The following SYN3 variants were observed in gnomAD, a reference collection of about 807,000 sequenced individuals.
The protein encoded by SYN3 is synapsin III, also known as synapsin-3.
In SYN3, 35 loss-of-function variants were observed where a neutral mutation model predicts 65.8. The ratio of observed to expected loss-of-function variants is 0.53; its 90% confidence interval spans 0.41 to 0.70. The LOEUF (loss-of-function observed/expected upper bound fraction) is 0.70, where lower values mean the gene tolerates loss of function less well. Ranked by LOEUF, SYN3 falls within the 30% of genes least tolerant of loss-of-function variation. The pLI is 0.00. For missense variants in SYN3, 680 were observed against 749.0 expected, an observed-to-expected ratio of 0.91 and a Z score of 1.08; for synonymous variants, 270 against 292.9, an observed-to-expected ratio of 0.92 and a Z score of 0.80.
rs130292 is a variant in SYN3, at chr22:32,825,657, CAAAAAAAAAAAAAAAAAAAAAA to C, written c.711+39236_711+39257del. On this transcript the variant is annotated intron_variant, in intron 6 of 13. Transcript: ENST00000358763. Reference sequence around the variant, plus strand: ...TGGGCGACAGAGCGAGTTTCCATCTCAAAAAAAAAAAAAAAAAAAAAAAAAAAAAAAAAAAAAAAAGATGTGT... The same window carrying C: ...TGGGCGACAGAGCGAGTTTCCATCTCAAAAAAAAAAAAAAAAAAGATGTGT... 6.1e-3 allele frequency among the ~76,000 whole-genome samples: 174 copies of C among 28,594 alleles called. 5 individuals carry two copies. In the East Asian group the frequency reaches 0.075, roughly 12 times the overall value. The allele number at this position is 28,594 out of a possible 152,430, so 18.8% of individuals were successfully genotyped here.
chr22:32,525,747 GACA>G (rs1324087168), intron 12 of SYN3, among the ~76,000 whole-genome samples: 3 of 151,420 alleles, frequency 2.0e-5, no homozygotes, highest in Non-Finnish European at 4.4e-5. Context: ...TTGATGAAAA[GACA>G]ACAAAAGGAT....
chr22:32,928,889 T>C (rs1248023956), intron 4 of SYN3, among the ~76,000 whole-genome samples: 1 of 152,220 alleles, frequency 6.6e-6, no homozygotes, highest in Non-Finnish European at 1.5e-5. Flanking sequence ...GCTGTACCTT[T>C]CATTTCATAA....
chr22:32,966,839 C>A (rs1268010622), intron 3 of SYN3, among the ~76,000 whole-genome samples: 5 of 152,050 alleles, frequency 3.3e-5, no homozygotes, highest in African/African-American at 9.7e-5. Flanking sequence ...TGGCTTGAGC[C>A]CAGGAGGTTG....
intron 6 of SYN3, among the ~76,000 whole-genome samples, chr22:32,816,568 G>C (rs2047092923): frequency 6.6e-6 from 1 of 152,132 alleles, no homozygotes; most frequent in African/African-American, 2.4e-5. Flanking sequence ...GTCAGGGAAA[G>C]ACAAGTTCAG....
At chr22:32,830,702 G>A (rs905398507) in intron 6 of SYN3, among the ~76,000 whole-genome samples, 2 of 152,118 alleles carry the variant, frequency 1.3e-5, no homozygotes, top group Non-Finnish European at 1.5e-5. Context: ...TGTCCCTGCA[G>A]GGCCCTGGAA....
At chr22:32,991,200 A>C (rs1232427109) in intron 2 of SYN3, among the ~76,000 whole-genome samples, 1 of 150,680 alleles carries the variant, frequency 6.6e-6, no homozygotes, top group African/African-American at 2.4e-5. Context: ...GAAAAAAAAA[A>C]ATTAGCCGGG....
At chr22:32,836,171 A>ACACATCAACAAGTTC (rs2047724600) in intron 6 of SYN3, among the ~76,000 whole-genome samples, 1 of 152,180 alleles carries the variant, frequency 6.6e-6, no homozygotes, top group African/African-American at 2.4e-5. Flanking sequence ...CATTTTGGGG[A>ACACATCAACAAGTTC]ATGGTTTTAA....
chr22:32,718,650 C>CA (rs72336175), intron 6 of SYN3, among the ~76,000 whole-genome samples: 1,899 of 135,612 alleles, frequency 0.014, 28 homozygotes, highest in African/African-American at 0.045. Flanking sequence ...TGAAACTGAC[C>CA]AAAAAAAAAA....
chr22:32,981,588 C>CAATAATAAT lies in SYN3; in HGVS notation c.312-895_312-887dup, dbSNP rs534663521. ...AACAAGAGCGAAACTCAGTCTCAAA[C>CAATAATAAT]AATAATAATAATAATAATAATAATA... On this transcript the variant is annotated intron_variant, in intron 2 of 13. Transcript: ENST00000358763. 9.0e-3 allele frequency among the ~76,000 whole-genome samples: 1,356 copies of CAATAATAAT among 149,968 alleles called. 14 individuals are homozygous for CAATAATAAT. The highest frequency in any genetic ancestry group is 0.031 in the African/African-American group (1,263 of 40,808).
rs115502738 is a variant in SYN3, at chr22:32,812,501, T to C, written c.711+52414A>G. On this transcript the variant is annotated intron_variant, in intron 6 of 13. Transcript: ENST00000358763. ...TCACTTCAGGGCCTGTCACTGATTG[T>C]GGGAGGGCTTGGTAAAAATTGAACC... 6.3e-3 allele frequency among the ~76,000 whole-genome samples: 963 copies of C among 152,230 alleles called. 12 individuals carry two copies. The highest frequency in any genetic ancestry group is 0.02 in the African/African-American group (844 of 41,536).
rs2057668993 is a variant in SYN3, at chr22:32,509,596, T to A, written c.*4096A>T. Among the ~76,000 whole-genome samples, 1 of 151,606 alleles carries A rather than the reference T, an allele frequency of 6.6e-6. No homozygotes were observed. The highest frequency in any genetic ancestry group is 1.5e-5 in the Non-Finnish European group (1 of 67,940). ...TTATTATTATTATTTTGAGACAGAGTCTCACTCTGTTGCCCAGGCTGGAGT... is the reference window on the plus strand; with the variant it reads ...TTATTATTATTATTTTGAGACAGAGACTCACTCTGTTGCCCAGGCTGGAGT... On this transcript the variant is annotated 3_prime_UTR_variant, in exon 14 of 14. Coordinates refer to ENST00000358763, the MANE Select transcript of SYN3 (RefSeq NM_003490.4).
chr22:32,612,023 C>T (rs1230220524), intron 6 of SYN3, among the ~76,000 whole-genome samples: 3 of 151,912 alleles, frequency 2.0e-5, no homozygotes, highest in Non-Finnish European at 2.9e-5. Flanking sequence ...GGAGAGCTTC[C>T]GGGTTGCTGA....
At chr22:32,810,761 A>G (rs1476987939) in intron 6 of SYN3, among the ~76,000 whole-genome samples, 1 of 152,182 alleles carries the variant, frequency 6.6e-6, no homozygotes, top group South Asian at 2.1e-4. Flanking sequence ...TTTCGCAACC[A>G]GGGTCAGATT....
intron 4 of SYN3, among the ~76,000 whole-genome samples, chr22:32,885,174 G>C (rs2049255072): frequency 6.7e-6 from 1 of 148,260 alleles, no homozygotes; most frequent in African/African-American, 2.5e-5. Context: ...AAAAAAAAAA[G>C]ACTTTTGACA....
At chr22:32,882,981 G>C (rs951295593) in intron 4 of SYN3, among the ~76,000 whole-genome samples, 2 of 151,820 alleles carry the variant, frequency 1.3e-5, no homozygotes, top group African/African-American at 4.8e-5. Context: ...TCACATCCTA[G>C]CAGTTGATTT....
At chr22:32,746,193 G>A (rs1430007578) in intron 6 of SYN3, among the ~76,000 whole-genome samples, 1 of 152,332 alleles carries the variant, frequency 6.6e-6, no homozygotes, top group East Asian at 1.9e-4. Flanking sequence ...TGCTGCACAA[G>A]GATCAGGTCC....
chr22:32,752,036 G>T (rs1176140833), intron 6 of SYN3, among the ~76,000 whole-genome samples: 1 of 152,146 alleles, frequency 6.6e-6, no homozygotes, highest in Non-Finnish European at 1.5e-5. Flanking sequence ...ATAACCTCTT[G>T]AGGGCAAGAT....
At chr22:32,685,733 C>A (rs892121650) in intron 6 of SYN3, among the ~76,000 whole-genome samples, 1 of 152,310 alleles carries the variant, frequency 6.6e-6, no homozygotes, top group East Asian at 1.9e-4. Context: ...CAGGACATAA[C>A]CCAGTCATTA....
intron 6 of SYN3, among the ~76,000 whole-genome samples, chr22:32,836,191 G>C (rs187791714): frequency 6.6e-6 from 1 of 152,210 alleles, no homozygotes; most frequent in Non-Finnish European, 1.5e-5. Flanking sequence ...AGAGTAAGAT[G>C]TACTGTTTGT....
Sources: allele counts gnomAD v4.1 joint callset (sites outside exome capture counted in the v4.1 genomes callset), GRCh38; gene constraint gnomAD v4.1.1; transcripts MANE v1.5; gene names NCBI Gene and HGNC (gene_info 2026-07-23, HGNC 2026-07-21).